USP24: variants seen among roughly 807,000 people sequenced by gnomAD.
The protein encoded by USP24 is ubiquitin specific peptidase 24, also known as ubiquitin carboxyl-terminal hydrolase 24.
In USP24, 97 loss-of-function variants were observed where a neutral mutation model predicts 361.6. The ratio of observed to expected loss-of-function variants is 0.27; its 90% CI spans 0.23 to 0.32. USP24 has a LOEUF of 0.32. USP24 is among the 10% of genes least tolerant of loss of function. The probability of loss-of-function intolerance (pLI) is 1.00; values close to 1 mark genes in which losing one functional copy is unlikely to be tolerated. For synonymous variants in USP24, 1,098 were observed against 1,124.6 expected, an observed-to-expected ratio of 0.98 and a Z score of 0.47; for missense variants, 2,353 against 3,165.6, an observed-to-expected ratio of 0.74 and a Z score of 6.16.
Position 55,154,159 on chromosome 1 carries a change from T to C in USP24, c.1772A>G (p.Lys591Arg), listed in dbSNP as rs1417503452. The stretch of plus-strand genomic sequence containing the variant: ...TATGCACTTGATGATGTAGCTCCTC[T>C]TGATTGCTTCTTTCACTGCATATGC... Reference protein sequence around the residue: ...SDAYAVKEAIKRSYIIKCIED... With the variant: ...SDAYAVKEAIRRSYIIKCIED... The change falls in exon 15 of 68, where the codon AAG (lysine) becomes AGG (arginine). Residue 591 changes from lysine to arginine, a missense_variant. Coordinates refer to ENST00000294383, the MANE Select transcript of USP24 (RefSeq NM_015306.3). The C allele has an allele frequency of 6.2e-7, 1 of 1,613,670 alleles. No homozygotes were observed. The highest frequency in any genetic ancestry group is 1.7e-5 in the Admixed American group (1 of 59,982).
chr1:55,173,866 A>T (rs144086796), intron 3 of USP24, among the ~76,000 whole-genome samples: 1 of 152,234 alleles, frequency 6.6e-6, no homozygotes, highest in Non-Finnish European at 1.5e-5. Flanking sequence ...GAGATTACCA[A>T]TTAAGAAGCT....
intron 38 of USP24, among the ~76,000 whole-genome samples, chr1:55,112,471 G>A (rs1041872364): frequency 7.9e-5 from 12 of 152,170 alleles, no homozygotes; most frequent in African/African-American, 2.4e-4. Flanking sequence ...CTGGTACGTT[G>A]TGTCTTTGTT....
intron 23 of USP24, among the ~76,000 whole-genome samples, 200 bp downstream of exon 23, chr1:55,142,542 G>A (rs574857787): frequency 7.4e-4 from 112 of 152,246 alleles, no homozygotes; most frequent in Non-Finnish European, 1.3e-3. Context: ...CAGGTGGTGA[G>A]AGGGAGAAAG....
rs1644959215 is a variant in USP24, at chr1:55,215,183, C to G, written c.-70G>C. 34 of 1,175,760 alleles carry G rather than the reference C, an allele frequency of 2.9e-5. No homozygotes were observed. The South Asian group carries it at 1.2e-3, about 42-fold the overall frequency. The allele number at this position is 1,175,760 out of a possible 1,614,324, so 72.8% of individuals were successfully genotyped here. On this transcript the variant is annotated 5_prime_UTR_variant, in exon 1 of 68. Transcript: ENST00000294383. ...CGGGTCCCGGGCCTGGCGGGCCGCG[C>G]GGCGCACCCTCCGCGCCGCCTCCGC...
chr1:55,142,319 T>A (rs1427116268), intron 23 of USP24, among the ~76,000 whole-genome samples: 1 of 152,156 alleles, frequency 6.6e-6, no homozygotes, highest in Admixed American at 6.6e-5. Context: ...TACTACTAAC[T>A]GTCTTGCTGT....
chr1:55,072,868 A>T lies in USP24; in HGVS notation c.7527-7T>A. 1 of 1,601,312 alleles carries T rather than the reference A, an allele frequency of 6.2e-7. No individual in the cohort carries two copies. The highest frequency in any genetic ancestry group is 8.5e-7 in the Non-Finnish European group (1 of 1,173,856). On this transcript the variant is annotated splice_region_variant and splice_polypyrimidine_tract_variant and intron_variant, in intron 64 of 67. Coordinates refer to ENST00000294383, the MANE Select transcript of USP24 (RefSeq NM_015306.3). The stretch of plus-strand genomic sequence containing the variant: ...CTCCTTAGCTGCAGGACACCTGATG[A>T]CCGAGGAGATTTTTATTAGCCAAAT...
In USP24 at chr1:55,134,100, G is replaced by A. The variant is rs955730059; in HGVS notation, c.3351C>T (p.Ala1117=). Residue 1117 remains alanine (A), a synonymous_variant, in exon 30 of 68, where the codon GCC becomes GCT. Transcript: ENST00000294383. ...TTCCTAAAGAATCAAGTTGATCAAG[G>A]GCTTCCTGAATGGCTGGATCAGTGG... ...LIPTDPAIQE[A]LDQLDSLGRK... 15 of 1,613,586 alleles carry A rather than the reference G, an allele frequency of 9.3e-6. No homozygotes were observed. The Admixed American group carries it at 1.0e-4, about 11-fold the overall frequency.
chr1:55,071,665 A>G (rs1223596167), intron 67 of USP24, 149 bp downstream of exon 67: 9 of 1,047,532 alleles, frequency 8.6e-6, no homozygotes, highest in Non-Finnish European at 1.2e-5. Flanking sequence ...GCATATGCTG[A>G]GCTGAGATCA....
At position 55,081,313 on chromosome 1, in the gene USP24, T is replaced by G; in HGVS notation, c.7078+9A>C. The G allele has an allele frequency of 6.2e-7, 1 of 1,612,856 alleles. No individual in the cohort carries two copies. The highest frequency in any genetic ancestry group is 8.5e-7 in the Non-Finnish European group (1 of 1,179,000). On this transcript the variant is annotated intron_variant, in intron 59 of 67. Coordinates refer to ENST00000294383, the MANE Select transcript of USP24 (RefSeq NM_015306.3). ...AGTATCTCTTCATTCTAAGATATGTTAAGCTTACCAACATTCCTTTGGGAT... is the reference window on the plus strand; with the variant it reads ...AGTATCTCTTCATTCTAAGATATGTGAAGCTTACCAACATTCCTTTGGGAT...
chr1:55,165,414 G>A (rs768608646), intron 7 of USP24, among the ~76,000 whole-genome samples: 1 of 152,058 alleles, frequency 6.6e-6, no homozygotes, highest in African/African-American at 2.4e-5. Flanking sequence ...CACTGCACCT[G>A]ATGATTCTAA....
intron 1 of USP24, among the ~76,000 whole-genome samples, chr1:55,209,965 A>G (rs1644810270): frequency 6.6e-6 from 1 of 152,194 alleles, no homozygotes; most frequent in African/African-American, 2.4e-5. Context: ...TTTTTCTATT[A>G]ATGTTGAAAC....
At chr1:55,182,392 T>C (rs1644000927) in intron 1 of USP24, among the ~76,000 whole-genome samples, 1 of 152,118 alleles carries the variant, frequency 6.6e-6, no homozygotes, top group Non-Finnish European at 1.5e-5. Context: ...GCCCCAACTG[T>C]AAGAAAATAA....
rs944017195 is a variant in USP24 at position 55,177,853 on chromosome 1, G to C, written c.490+114C>G. The C allele has an allele frequency of 3.0e-6, 3 of 989,938 alleles. No homozygotes were observed. In the African/African-American group the frequency reaches 4.9e-5, roughly 16 times the overall value. 61.3% of individuals were successfully genotyped at this position (989,938 alleles called of 1,614,324 possible). ...TCTGCAGGAGATAAGTGAAGACTAA[G>C]AGAATAAATGATCTGTCCAATAACA... is the stretch of plus-strand genomic sequence containing the variant. On this transcript the variant is annotated intron_variant, in intron 2 of 67. Coordinates refer to ENST00000294383, the MANE Select transcript of USP24 (RefSeq NM_015306.3).
chr1:55,150,325 T>C (rs929162672), intron 16 of USP24, among the ~76,000 whole-genome samples: 9 of 152,202 alleles, frequency 5.9e-5, no homozygotes, highest in Non-Finnish European at 1.3e-4. Flanking sequence ...GGTCCATAAC[T>C]GCAAAACGGA....
chr1:55,127,152 G>A (rs1646454370), intron 32 of USP24, among the ~76,000 whole-genome samples: 1 of 151,888 alleles, frequency 6.6e-6, no homozygotes, highest in Non-Finnish European at 1.5e-5. Flanking sequence ...GTGCCATGCT[G>A]GTGTGCTGCA....
At chr1:55,111,562 A>G (rs1435457207) in intron 38 of USP24, among the ~76,000 whole-genome samples, 2 of 152,152 alleles carry the variant, frequency 1.3e-5, no homozygotes, top group African/African-American at 4.8e-5. Context: ...GGAATTCTAA[A>G]GTAAAAAGTA....
intron 1 of USP24, among the ~76,000 whole-genome samples, chr1:55,184,239 T>C (rs1569649278): frequency 6.6e-6 from 1 of 152,102 alleles, no homozygotes; most frequent in East Asian, 1.9e-4. Context: ...GTATTTTTTA[T>C]AGAGATGGGG....
At chr1:55,098,690 G>A (rs1311807050) in intron 45 of USP24, 132 bp from the exon 46 acceptor site, 2 of 690,954 alleles carry the variant, frequency 2.9e-6, no homozygotes, top group African/African-American at 1.8e-5. Flanking sequence ...TGTGGTGAAT[G>A]GAGGCTAAAC....
At chr1:55,075,614 A>AT (rs34148573) in intron 62 of USP24, 91 bp from the exon 63 acceptor site, 1 of 817,166 alleles carries the variant, frequency 1.2e-6, no homozygotes, top group Non-Finnish European at 1.9e-6. Flanking sequence ...CAAGAGATTA[A>AT]TTTAGTGTTT....
Sources: gnomAD v4.1 joint callset for allele counts (sites outside exome capture counted in the v4.1 genomes callset) on GRCh38, gnomAD v4.1.1 for gene constraint, MANE v1.5 for transcripts, NCBI Gene and HGNC (gene_info 2026-07-23, HGNC 2026-07-21) for gene names.